GNPNAT1: variants seen among roughly 807,000 people sequenced by gnomAD.
The protein encoded by GNPNAT1 is glucosamine-phosphate N-acetyltransferase 1.
In GNPNAT1, 11 loss-of-function variants were observed where a neutral mutation model predicts 19.8. The ratio of observed to expected loss-of-function variants is 0.56; its 90% confidence interval spans 0.35 to 0.92. GNPNAT1 has a LOEUF of 0.92. Ranked by LOEUF, GNPNAT1 falls within the 40% of genes least tolerant of loss-of-function variation. GNPNAT1 has a pLI of 0.01. For synonymous variants in GNPNAT1, 71 were observed against 72.3 expected, an observed-to-expected ratio of 0.98 and a Z score of 0.09; for missense variants, 157 against 211.0, an observed-to-expected ratio of 0.74 and a Z score of 1.59.
chr14:52,780,854 CAG>C (rs1830054352), intron 4 of GNPNAT1, 114 bp from the exon 5 acceptor site: 2 of 632,464 alleles, frequency 3.2e-6, no homozygotes, highest in African/African-American at 1.8e-5. Context: ...TTGAACTTAA[CAG>C]AAATCAAATG....
intron 4 of GNPNAT1, 104 bp from the exon 5 acceptor site, chr14:52,780,844 T>C: frequency 1.5e-6 from 1 of 681,742 alleles, no homozygotes; most frequent in Non-Finnish European, 2.5e-6. Context: ...TTTTGTAAAC[T>C]TGAACTTAAC....
Position 52,783,494 on chromosome 14 carries a change from G to GA in GNPNAT1, c.155-10dup. On this transcript the variant is annotated splice_polypyrimidine_tract_variant and intron_variant, in intron 2 of 5. Coordinates refer to ENST00000216410, the MANE Select transcript of GNPNAT1 (RefSeq NM_198066.4). Reference sequence around the variant, plus strand: ...CAATACCTTAAAAAAACCTAGTTTTGAAAAACAGATTTCAAATTACGAGAA... The same window carrying GA: ...CAATACCTTAAAAAAACCTAGTTTTGAAAAAACAGATTTCAAATTACGAGAA... The GA allele has an allele frequency of 6.3e-7, 1 of 1,588,656 alleles. No individual in the cohort carries two copies. Among genetic ancestry groups the GA allele is most frequent in the Non-Finnish European group, 8.6e-7 (1 of 1,157,862 alleles).
At chr14:52,781,325 G>T (rs1039234016) in intron 4 of GNPNAT1, among the ~76,000 whole-genome samples, 1 of 151,954 alleles carries the variant, frequency 6.6e-6, no homozygotes, top group Admixed American at 6.6e-5. Context: ...CATCCCAAGT[G>T]TTCCTACCTT....
rs143891779 is a variant in GNPNAT1, at chr14:52,785,155, C to A, written c.-14-491G>T. Among the ~76,000 whole-genome samples, 221 of 151,518 alleles carry A rather than the reference C, an allele frequency of 1.5e-3. 1 individual carries two copies. Among genetic ancestry groups the A allele is most frequent in the African/African-American group, 5.2e-3 (216 of 41,402 alleles). ...GTTAGCCAGGCTGGTCTCAAACTCC[C>A]GACCTCAGGTGATCTGCCCGCCTCG... is the stretch of plus-strand genomic sequence containing the variant. On this transcript the variant is annotated intron_variant, in intron 1 of 5. Coordinates refer to ENST00000216410, the MANE Select transcript of GNPNAT1 (RefSeq NM_198066.4).
At chr14:52,781,737 G>A (rs1038395839) in intron 4 of GNPNAT1, 47 bp downstream of exon 4, 6 of 1,540,120 alleles carry the variant, frequency 3.9e-6, no homozygotes, top group South Asian at 3.7e-5. Flanking sequence ...CTCAAAGTCA[G>A]TTGTGCTAGA....
At chr14:52,781,666 G>A in intron 4 of GNPNAT1, 118 bp downstream of exon 4, 1 of 899,690 alleles carries the variant, frequency 1.1e-6, no homozygotes. Flanking sequence ...GAACACACTG[G>A]GAAAAGGGAT....
chr14:52,784,399 G>A, intron 2 of GNPNAT1, 98 bp downstream of exon 2: 3 of 967,496 alleles, frequency 3.1e-6, no homozygotes, highest in Middle Eastern at 3.6e-4. Context: ...ACAAAAAATA[G>A]TCCAAAAGTC....
rs929913855 is a variant in GNPNAT1, at chr14:52,786,841, A to G, written c.-14-2177T>C. Among the ~76,000 whole-genome samples, 8 of 141,008 alleles carry G rather than the reference A, an allele frequency of 5.7e-5. 1 individual carries two copies. The East Asian group carries it at 1.7e-3, about 31-fold the overall frequency. The allele number at this position is 141,008 out of a possible 152,430, so 92.5% of individuals were successfully genotyped here. On this transcript the variant is annotated intron_variant, in intron 1 of 5. Transcript: ENST00000216410. ...TTATCCAAAATGCTTGGGACCAGAA[A>G]TGTTTCAGGTTTTGGATTTTTTTTT...
Position 52,784,479 on chromosome 14 carries a change from C to T in GNPNAT1, c.154+18G>A. On this transcript the variant is annotated intron_variant, in intron 2 of 5. Transcript: ENST00000216410. ...ATGGAAGGCTAACTCTAATTTTACACAGGATTTTGTACATTACCTCTATTT... is the reference window on the plus strand; with the variant it reads ...ATGGAAGGCTAACTCTAATTTTACATAGGATTTTGTACATTACCTCTATTT... 6.6e-7 allele frequency: 1 copy of T among 1,510,544 alleles called. No homozygotes were observed. Among genetic ancestry groups the T allele is most frequent in the South Asian group, 1.3e-5 (1 of 76,104 alleles). The allele number at this position is 1,510,544 out of a possible 1,614,324, so 93.6% of individuals were successfully genotyped here. A position where few individuals can be genotyped will look rare whatever the true frequency, so the allele number is the denominator to read the frequency against.
intron 5 of GNPNAT1, among the ~76,000 whole-genome samples, chr14:52,778,829 A>T (rs1487868027): frequency 1.3e-5 from 2 of 152,066 alleles, no homozygotes; most frequent in Non-Finnish European, 2.9e-5. Flanking sequence ...CCAGCCTGGG[A>T]AACACGGCAA....
intron 1 of GNPNAT1, among the ~76,000 whole-genome samples, chr14:52,790,346 G>T (rs977509434): frequency 6.6e-6 from 1 of 152,194 alleles, no homozygotes; most frequent in African/African-American, 2.4e-5. Flanking sequence ...GAATGGGGGA[G>T]GGGCGGACTT....
intron 5 of GNPNAT1, among the ~76,000 whole-genome samples, chr14:52,779,737 A>AC (rs1422533919): frequency 1.3e-5 from 2 of 150,552 alleles, no homozygotes; most frequent in Admixed American, 6.6e-5. Context: ...AAAAAAAAAA[A>AC]AAAAAAAAAA....
chr14:52,785,596 G>A lies in GNPNAT1; in HGVS notation c.-14-932C>T, dbSNP rs558926760. The stretch of plus-strand genomic sequence containing the variant: ...AAATTAGTCGGGCGTGGTGGCGCAT[G>A]CCTGTAATCCCAGCTACTCGGGAGG... On this transcript the variant is annotated intron_variant, in intron 1 of 5. Coordinates refer to ENST00000216410, the MANE Select transcript of GNPNAT1 (RefSeq NM_198066.4). 6.6e-3 allele frequency among the ~76,000 whole-genome samples: 995 copies of A among 151,304 alleles called. 16 individuals carry two copies. The highest frequency in any genetic ancestry group is 0.023 in the African/African-American group (956 of 41,356).
intron 1 of GNPNAT1, among the ~76,000 whole-genome samples, chr14:52,787,013 A>G (rs546838828): frequency 1.3e-5 from 2 of 151,962 alleles, no homozygotes; most frequent in African/African-American, 2.4e-5. Context: ...AATATTTTAA[A>G]TAATTTTGTG....
At chr14:52,781,642 T>C in intron 4 of GNPNAT1, 142 bp downstream of exon 4, 1 of 721,542 alleles carries the variant, frequency 1.4e-6, no homozygotes, top group Non-Finnish European at 2.2e-6. Context: ...ACATTTTCTT[T>C]CTTAAAGCTC....
At chr14:52,790,211 A>T (rs1883136180) in intron 1 of GNPNAT1, among the ~76,000 whole-genome samples, 1 of 152,202 alleles carries the variant, frequency 6.6e-6, no homozygotes, top group Non-Finnish European at 1.5e-5. Context: ...AGCAACAAGT[A>T]ATAGACACCG....
chr14:52,787,768 G>A lies in GNPNAT1; in HGVS notation c.-14-3104C>T, dbSNP rs545569734. On this transcript the variant is annotated intron_variant, in intron 1 of 5. Coordinates refer to ENST00000216410, the MANE Select transcript of GNPNAT1 (RefSeq NM_198066.4). ...CTGGAATACTGCAAGTACTTAATAA[G>A]ATATATGCTAGTTAGCAATAAATTT... 3 of 152,190 alleles carry A rather than the reference G, an allele frequency of 2.0e-5. No homozygotes were observed. In the South Asian group the frequency reaches 6.2e-4, roughly 32 times the overall value. The allele number at this position is 152,190 out of a possible 1,614,324, so 9.4% of individuals were successfully genotyped here.
rs1481249341 is a variant in GNPNAT1 at position 52,776,230 on chromosome 14, TCCA to T, written c.*2078_*2080del. ...TACACTGCCTATGGGGTAGTCCTGC[TCCA>T]CAAGGAGCAGTTTTTAAAAAAAAAA... is the stretch of plus-strand genomic sequence containing the variant. On this transcript the variant is annotated 3_prime_UTR_variant, in exon 6 of 6. Transcript: ENST00000216410. 1.3e-5 allele frequency: 2 copies of T among 152,002 alleles called. No homozygotes were observed. The highest frequency in any genetic ancestry group is 4.8e-5 in the African/African-American group (2 of 41,384). 9.4% of individuals were successfully genotyped at this position (152,002 alleles called of 1,614,324 possible).
chr14:52,778,228 G>A lies in GNPNAT1; in HGVS notation c.*83C>T. 6 of 1,049,222 alleles carry A rather than the reference G, an allele frequency of 5.7e-6. No homozygotes were observed. The highest frequency in any genetic ancestry group is 3.8e-5 in the South Asian group (2 of 52,256). The allele number at this position is 1,049,222 out of a possible 1,614,324, so 65.0% of individuals were successfully genotyped here. On this transcript the variant is annotated 3_prime_UTR_variant, in exon 6 of 6. Coordinates refer to ENST00000216410, the MANE Select transcript of GNPNAT1 (RefSeq NM_198066.4). The stretch of plus-strand genomic sequence containing the variant: ...AGTCCAGTATTTATGGAGGTCACTC[G>A]GCTGCAGCAACAAAATATTTCAACT...
Sources: gnomAD v4.1 joint callset for allele counts (sites outside exome capture counted in the v4.1 genomes callset) on GRCh38, gnomAD v4.1.1 for gene constraint, MANE v1.5 for transcripts, NCBI Gene and HGNC (gene_info 2026-07-23, HGNC 2026-07-21) for gene names.